Variants in USP47 observed in about 807,000 individuals in gnomAD.
The protein encoded by USP47 is ubiquitin carboxyl-terminal hydrolase 47.
In USP47, 35 loss-of-function variants were observed where a neutral mutation model predicts 165.1. The observed-to-expected ratio is 0.21, with a 90% CI of 0.16 to 0.28. The LOEUF is 0.28. USP47 is among the 10% of genes least tolerant of loss of function. USP47 has a pLI of 1.00. For missense variants in USP47, 1,277 were observed against 1,607.4 expected (o/e 0.79, Z 3.52); for synonymous variants, 531 against 544.5 (o/e 0.98, Z 0.35).
intron 1 of USP47, among the ~76,000 whole-genome samples, chr11:11,861,533 A>G (rs540300006): frequency 1.3e-5 from 2 of 152,300 alleles, no homozygotes; most frequent in African/African-American, 2.4e-5. Context: ...TTGCATTTTT[A>G]GTTTCCTATT....
chr11:11,947,445 G>A (rs1001725524), intron 20 of USP47, among the ~76,000 whole-genome samples: 1 of 152,214 alleles, frequency 6.6e-6, no homozygotes, highest in Admixed American at 6.5e-5. Context: ...AGGCAATCAC[G>A]CTGTATTTGG....
intron 1 of USP47, among the ~76,000 whole-genome samples, chr11:11,865,037 T>G (rs1235599158): frequency 1.3e-5 from 2 of 152,146 alleles, no homozygotes; most frequent in Non-Finnish European, 2.9e-5. Context: ...GTTTTACCCT[T>G]ATAGTTAAGA....
At chr11:11,929,626 A>G in intron 12 of USP47, 61 bp downstream of exon 12, 1 of 1,578,572 alleles carries the variant, frequency 6.3e-7, no homozygotes, top group Non-Finnish European at 8.6e-7. Context: ...GTTTCTAAAC[A>G]ACAGTAAAGT....
intron 1 of USP47, among the ~76,000 whole-genome samples, chr11:11,866,961 G>A (rs1026854107): frequency 6.6e-6 from 1 of 151,828 alleles, no homozygotes; most frequent in African/African-American, 2.4e-5. Flanking sequence ...TCAATGGTGC[G>A]ATCTTGGCTC....
intron 1 of USP47, among the ~76,000 whole-genome samples, chr11:11,877,196 T>G (rs10831690): frequency 0.2 from 30,830 of 152,046 alleles, 3,878 homozygotes; most frequent in East Asian, 0.28. Context: ...ATCTTAAAAT[T>G]GCAACAACAA....
chr11:11,892,063 C>A lies in USP47; in HGVS notation c.453C>A (p.Ser151Arg). 1 of 1,613,732 alleles carries A rather than the reference C, an allele frequency of 6.2e-7. No individual in the cohort carries two copies. Among genetic ancestry groups the A allele is most frequent in the South Asian group, 1.1e-5 (1 of 91,010 alleles). Residue 151 changes from serine (S) to arginine (R), a missense_variant, in exon 4 of 28, where the codon AGC becomes AGA. Ser to Arg is a moderately radical substitution (Grantham distance 110). Coordinates refer to ENST00000527733, the MANE Select transcript of USP47 (RefSeq NM_001282659.2). ...GSGGSTSDYV[S>R]QSYSYSSILN... ...GGGGTTCTACCAGTGATTATGTCAG[C>A]CAAAGCTACTCCTACTCATCTATTT...
At chr11:11,880,754 A>T (rs1381441952) in intron 2 of USP47, among the ~76,000 whole-genome samples, 1 of 152,206 alleles carries the variant, frequency 6.6e-6, no homozygotes, top group Non-Finnish European at 1.5e-5. Context: ...TTGGAAAAGA[A>T]GAAAAATATT....
intron 1 of USP47, among the ~76,000 whole-genome samples, chr11:11,862,024 C>CTTT (rs35753812): frequency 1.4e-5 from 2 of 140,226 alleles, no homozygotes; most frequent in African/African-American, 2.6e-5. Flanking sequence ...GGTACAAAGT[C>CTTT]TTTTTTTTTT....
At chr11:11,902,940 C>T (rs1169999049) in intron 6 of USP47, 80 bp downstream of exon 6, 4 of 1,371,800 alleles carry the variant, frequency 2.9e-6, no homozygotes, top group Non-Finnish European at 3.9e-6. Context: ...ACACATTACA[C>T]ATAATTACCT....
intron 8 of USP47, among the ~76,000 whole-genome samples, chr11:11,909,526 G>A (rs1852810172): frequency 1.3e-5 from 2 of 152,070 alleles, no homozygotes; most frequent in African/African-American, 4.8e-5. Context: ...CATTATCTAA[G>A]GAAGTGCTTT....
chr11:11,887,655 TAGAC>T (rs1851249132), intron 3 of USP47, among the ~76,000 whole-genome samples: 1 of 152,154 alleles, frequency 6.6e-6, no homozygotes, highest in African/African-American at 2.4e-5. Flanking sequence ...CTGACAGTAT[TAGAC>T]AGATCATCGA....
chr11:11,877,289 A>G (rs954447825), intron 1 of USP47, among the ~76,000 whole-genome samples: 1 of 152,222 alleles, frequency 6.6e-6, no homozygotes, highest in African/African-American at 2.4e-5. Flanking sequence ...ACTGTTAGCA[A>G]TGGTGATTCT....
At chr11:11,927,044 C>T (rs375195489) in intron 11 of USP47, among the ~76,000 whole-genome samples, 3 of 144,028 alleles carry the variant, frequency 2.1e-5, no homozygotes, top group African/African-American at 7.4e-5. Flanking sequence ...AGTTTCTCTC[C>T]TTCACTTTTA....
rs769148609 is a variant in USP47 at position 11,920,452 on chromosome 11, C to G, written c.1176C>G (p.Pro392=). Residue 392 remains proline, a synonymous_variant, in exon 10 of 28, where the codon CCC becomes CCG. Transcript: ENST00000527733. ...RIKLNDRMTF[P]EELDMSTFID... ...AACTGAATGATCGAATGACATTTCC[C>G]GAGGAACTAGATATGAGTACTTTTA... 6.2e-7 allele frequency: 1 copy of G among 1,609,898 alleles called. No homozygotes were observed. The highest frequency in any genetic ancestry group is 1.7e-5 in the Admixed American group (1 of 59,598).
intron 1 of USP47, among the ~76,000 whole-genome samples, chr11:11,842,589 G>T (rs571069214): frequency 1.3e-5 from 2 of 152,350 alleles, no homozygotes; most frequent in African/African-American, 4.8e-5. Flanking sequence ...CTATGGGCAC[G>T]GCAGGGTGAC....
At chr11:11,921,377 G>A (rs1853825948) in intron 10 of USP47, among the ~76,000 whole-genome samples, 1 of 151,748 alleles carries the variant, frequency 6.6e-6, no homozygotes, top group Non-Finnish European at 1.5e-5. Flanking sequence ...GCAGTTTGGT[G>A]TAGAAGAGCA....
chr11:11,846,876 T>G (rs1316011280), intron 1 of USP47, among the ~76,000 whole-genome samples: 1 of 152,138 alleles, frequency 6.6e-6, no homozygotes, highest in Admixed American at 6.5e-5. Flanking sequence ...AGTGATTCTT[T>G]TAAAATGAGG....
At position 11,947,933 on chromosome 11, in the gene USP47, T is replaced by C. The variant is rs778276363; in HGVS notation, c.3092-12T>C. On this transcript the variant is annotated splice_polypyrimidine_tract_variant and intron_variant, in intron 20 of 27. Transcript: ENST00000527733. Reference sequence around the variant, plus strand: ...ATTTTTGTTCCTGTTTTGGTTTTTTTTTTGTGCTTAGGGTTGATGGTGCAT... The same window carrying C: ...ATTTTTGTTCCTGTTTTGGTTTTTTCTTTGTGCTTAGGGTTGATGGTGCAT... The C allele has an allele frequency of 6.4e-7, 1 of 1,572,876 alleles. No homozygotes were observed. The highest frequency in any genetic ancestry group is 8.6e-7 in the Non-Finnish European group (1 of 1,167,472).
chr11:11,932,979 C>A, intron 14 of USP47, 25 bp from the exon 15 acceptor site: 1 of 1,584,768 alleles, frequency 6.3e-7, no homozygotes, highest in Non-Finnish European at 8.7e-7. Flanking sequence ...GTGACACTGT[C>A]TTATCCTGTT....
Sources: allele counts gnomAD v4.1 joint callset (sites outside exome capture counted in the v4.1 genomes callset), GRCh38; gene constraint gnomAD v4.1.1; transcripts MANE v1.5; gene names NCBI Gene and HGNC (gene_info 2026-07-23, HGNC 2026-07-21).